The following TTLL5 variants were observed in gnomAD, a reference collection of about 807,000 sequenced individuals.
TTLL5 encodes tubulin polyglutamylase TTLL5.
TTLL5 carries 132 observed loss-of-function variants against 168.4 expected under a neutral mutation model. The observed-to-expected ratio is 0.78, with a 90% CI of 0.68 to 0.91. The LOEUF (loss-of-function observed/expected upper bound fraction) is 0.91, where lower values mean the gene tolerates loss of function less well. Ranked by LOEUF, TTLL5 falls within the 40% of genes least tolerant of loss-of-function variation. The pLI, the probability that TTLL5 is intolerant of heterozygous loss-of-function variation, is 0.00. For missense variants in TTLL5, 1,545 were observed against 1,581.5 expected (o/e 0.98, Z 0.39); for synonymous variants, 546 against 558.6 (o/e 0.98, Z 0.32).
chr14:75,683,413 C>A, intron 4 of TTLL5, 137 bp from the exon 5 acceptor site: 1 of 644,848 alleles, frequency 1.6e-6, no homozygotes, highest in South Asian at 1.9e-5. Flanking sequence ...TCTCACTAGG[C>A]TCACGTACTA....
chr14:75,850,990 A>T (rs1313130635), intron 28 of TTLL5, among the ~76,000 whole-genome samples: 1 of 145,672 alleles, frequency 6.9e-6, no homozygotes, highest in Non-Finnish European at 1.5e-5. Context: ...GCTACTCAGG[A>T]GGCGGAGGTG....
At chr14:75,899,029 CTT>C (rs2140079272) in intron 30 of TTLL5, among the ~76,000 whole-genome samples, 1 of 152,212 alleles carries the variant, frequency 6.6e-6, no homozygotes, top group South Asian at 2.1e-4. Context: ...TGTAGATAGA[CTT>C]ATAGTGAATG....
chr14:75,851,706 T>A (rs1752795536), intron 28 of TTLL5, among the ~76,000 whole-genome samples: 1 of 152,206 alleles, frequency 6.6e-6, no homozygotes, highest in South Asian at 2.1e-4. Flanking sequence ...GCAAATGGAC[T>A]TTACTCTCCT....
At chr14:75,819,437 C>A (rs558405859) in intron 27 of TTLL5, among the ~76,000 whole-genome samples, 1 of 152,078 alleles carries the variant, frequency 6.6e-6, no homozygotes, top group African/African-American at 2.4e-5. Flanking sequence ...TTGTAATTTG[C>A]GTGTCTTTCT....
At chr14:75,876,271 G>T (rs2031473812) in intron 29 of TTLL5, among the ~76,000 whole-genome samples, 2 of 152,198 alleles carry the variant, frequency 1.3e-5, no homozygotes, top group Admixed American at 1.3e-4. Flanking sequence ...TCAGTTTTGA[G>T]TATATGTGAA....
chr14:75,701,397 G>C (rs1886263329), intron 7 of TTLL5, among the ~76,000 whole-genome samples: 2 of 152,270 alleles, frequency 1.3e-5, no homozygotes, highest in South Asian at 2.1e-4. Context: ...ACTGGCCGCT[G>C]GTCTGGGTTT....
At chr14:75,868,121 A>G (rs556385877) in intron 29 of TTLL5, among the ~76,000 whole-genome samples, 4 of 152,264 alleles carry the variant, frequency 2.6e-5, no homozygotes, top group Admixed American at 2.6e-4. Context: ...GCGATTACTC[A>G]GTAGTTTCTG....
At chr14:75,896,391 G>A (rs148613050) in intron 30 of TTLL5, among the ~76,000 whole-genome samples, 1 of 152,092 alleles carries the variant, frequency 6.6e-6, no homozygotes, top group Non-Finnish European at 1.5e-5. Context: ...ATCAGGTTTG[G>A]GGGTGTTTGT....
At chr14:75,709,468 G>C (rs1886900236) in intron 9 of TTLL5, 3 of 400,674 alleles carry the variant, frequency 7.5e-6, no homozygotes, top group East Asian at 4.2e-5. Context: ...TTGAGCCCTG[G>C]GAACATTGGA....
At chr14:75,835,112 C>T (rs1252547662) in intron 28 of TTLL5, among the ~76,000 whole-genome samples, 1 of 152,166 alleles carries the variant, frequency 6.6e-6, no homozygotes, top group Admixed American at 6.5e-5. Flanking sequence ...TGAGCTTTGA[C>T]TTCCTCTAGT....
chr14:75,721,161 C>T (rs1247632084), intron 12 of TTLL5, among the ~76,000 whole-genome samples: 2 of 152,048 alleles, frequency 1.3e-5, no homozygotes, highest in Non-Finnish European at 2.9e-5. Flanking sequence ...TCTCTTTCTC[C>T]CATTCCTCTT....
chr14:75,826,735 C>T (rs566995220), intron 28 of TTLL5, among the ~76,000 whole-genome samples: 1 of 152,312 alleles, frequency 6.6e-6, no homozygotes, highest in South Asian at 2.1e-4. Context: ...TTTCTATCAG[C>T]TTCTGTCCCT....
In TTLL5 at chr14:75,869,622, A is replaced by G. The variant is rs78443325; in HGVS notation, c.3522+5760A>G. On this transcript the variant is annotated intron_variant, in intron 29 of 31. Transcript: ENST00000298832. ...TTCACAGATGAAAAAGCATAGTATC[A>G]GTTAGATAACTTTCTCTGTGTCACA... Among the ~76,000 whole-genome samples, 133 of 152,196 alleles carry G rather than the reference A, an allele frequency of 8.7e-4. 1 individual carries two copies. In the East Asian group the frequency reaches 0.024, roughly 27 times the overall value.
At chr14:75,673,089 C>G (rs542727887) in intron 3 of TTLL5, among the ~76,000 whole-genome samples, 72 of 151,794 alleles carry the variant, frequency 4.7e-4, no homozygotes, top group African/African-American at 1.7e-3. Flanking sequence ...TGGGTGTACA[C>G]CACCATGGCT....
intron 12 of TTLL5, among the ~76,000 whole-genome samples, chr14:75,730,501 A>G (rs1350638318): frequency 6.6e-6 from 1 of 152,226 alleles, no homozygotes; most frequent in East Asian, 1.9e-4. Flanking sequence ...ATGGAATCCC[A>G]TATAATTACT....
intron 15 of TTLL5, among the ~76,000 whole-genome samples, chr14:75,738,579 C>T (rs1393728561): frequency 2.0e-5 from 3 of 151,988 alleles, no homozygotes; most frequent in Admixed American, 1.3e-4. Context: ...TGGTGGAATT[C>T]GAAACTCTAT....
intron 20 of TTLL5, among the ~76,000 whole-genome samples, chr14:75,768,107 C>T (rs755162518): frequency 3.9e-5 from 6 of 152,018 alleles, no homozygotes; most frequent in African/African-American, 7.2e-5. Context: ...TAAAGTCTTG[C>T]GAATGGATAA....
Position 75,732,345 on chromosome 14 carries a change from T to C in TTLL5, c.1050T>C (p.Tyr350=), listed in dbSNP as rs1463423135. Residue 350 remains tyrosine, a synonymous_variant, in exon 13 of 32, where the codon TAT becomes TAC. Coordinates refer to ENST00000298832, the MANE Select transcript of TTLL5 (RefSeq NM_015072.5). ...VPHRSSCFEL[Y]GFDVLIDSTL... ...GTTGTGTTGTATTTCTAGAACTCTA[T>C]GGCTTTGACGTGCTCATAGATTCTA... The C allele has an allele frequency of 1.2e-6, 2 of 1,613,542 alleles. No homozygotes were observed. Among genetic ancestry groups the C allele is most frequent in the East Asian group, 2.2e-5 (1 of 44,850 alleles).
At chr14:75,875,873 G>A (rs943950038) in intron 29 of TTLL5, among the ~76,000 whole-genome samples, 1 of 152,160 alleles carries the variant, frequency 6.6e-6, no homozygotes, top group African/African-American at 2.4e-5. Context: ...AATGTTAACA[G>A]GTTATCTCTG....
Sources: allele counts gnomAD v4.1 joint callset (sites outside exome capture counted in the v4.1 genomes callset), GRCh38; gene constraint gnomAD v4.1.1; transcripts MANE v1.5; gene names NCBI Gene and HGNC (gene_info 2026-07-23, HGNC 2026-07-21).